RNF8: variants seen among roughly 807,000 people sequenced by gnomAD.
The protein encoded by RNF8 is E3 ubiquitin-protein ligase RNF8.
RNF8 carries 8 observed loss-of-function variants against 59.3 expected under a neutral mutation model. The ratio of observed to expected loss-of-function variants is 0.13; its 90% CI spans 0.08 to 0.24. The LOEUF (loss-of-function observed/expected upper bound fraction) is 0.24, where lower values mean the gene tolerates loss of function less well. RNF8 is among the 10% of genes least tolerant of loss of function. RNF8 has a pLI of 1.00. For synonymous variants in RNF8, 162 were observed against 200.0 expected (o/e 0.81, Z 1.60); for missense variants, 406 against 572.6 (o/e 0.71, Z 2.97).
chr6:37,377,061 C>CTTTTTTTTT (rs35985063), intron 6 of RNF8, 28 bp downstream of exon 6: 20 of 257,998 alleles, frequency 7.8e-5, no homozygotes, highest in African/African-American at 3.9e-4. Context: ...CTCACCCCTT[C>CTTTTTTTTT]TTTTTTTTTT....
At chr6:37,354,594 T>C (rs993460985) in intron 1 of RNF8, among the ~76,000 whole-genome samples, 2 of 151,844 alleles carry the variant, frequency 1.3e-5, no homozygotes, top group Non-Finnish European at 2.9e-5. Context: ...ACGGAGGCCC[T>C]GACCCGCGGC....
chr6:37,384,069 T>C (rs2113833288), intron 7 of RNF8, among the ~76,000 whole-genome samples: 1 of 151,932 alleles, frequency 6.6e-6, no homozygotes, highest in South Asian at 2.1e-4. Context: ...CTTGGTCCTT[T>C]AGAACAGTGA....
Position 37,394,161 on chromosome 6 carries a change from C to A in RNF8, c.*3403C>A, listed in dbSNP as rs1770799410. On this transcript the variant is annotated 3_prime_UTR_variant, in exon 8 of 8. Transcript: ENST00000373479. ...ATCAGGAGAATCCTGGAATTGTTAT[C>A]TGTCTCTTGCTCTGAGATACAGACT... is the stretch of plus-strand genomic sequence containing the variant. The A allele has an allele frequency of 1.3e-5, 2 of 152,208 alleles. No homozygotes were observed. Among genetic ancestry groups the A allele is most frequent in the African/African-American group, 4.8e-5 (2 of 41,460 alleles). The allele number at this position is 152,208 out of a possible 1,614,324, so 9.4% of individuals were successfully genotyped here. A position where few individuals can be genotyped will look rare whatever the true frequency, so the allele number is the denominator to read the frequency against.
At chr6:37,376,793 T>C in intron 5 of RNF8, 133 bp from the exon 6 acceptor site, 2 of 641,668 alleles carry the variant, frequency 3.1e-6, no homozygotes, top group South Asian at 1.8e-5. Context: ...AGTGTTCTAT[T>C]CTTAATGTTG....
At position 37,371,543 on chromosome 6, in the gene RNF8, T is replaced by C; in HGVS notation, c.1007T>C (p.Leu336Pro). 6.2e-7 allele frequency: 1 copy of C among 1,614,070 alleles called. No individual in the cohort carries two copies. The highest frequency in any genetic ancestry group is 8.5e-7 in the Non-Finnish European group (1 of 1,179,964). Residue 336 changes from leucine to proline, a missense_variant, in exon 4 of 8, where the codon CTG becomes CCG. Leu to Pro is a moderately conservative substitution (Grantham distance 98). This residue lies in a region of RNF8 where 285 missense variants were observed against 342.0 expected (regional missense o/e 0.83). Transcript: ENST00000373479. ...GLEIAQGEKD[L>P]KQQLAQALQE... The stretch of plus-strand genomic sequence containing the variant: ...GAGATAGCCCAAGGAGAAAAGGACC[T>C]GAAGCAACAGCTGGCCCAGGCTCTG...
chr6:37,368,398 A>G (rs1769651397), intron 2 of RNF8, 86 bp from the exon 3 acceptor site: 2 of 1,612,304 alleles, frequency 1.2e-6, no homozygotes, highest in South Asian at 2.2e-5. Flanking sequence ...CTGAAAAGGC[A>G]GAAGATTTTA....
intron 3 of RNF8, chr6:37,370,371 GT>G (rs1425588927): frequency 6.6e-6 from 1 of 152,136 alleles, no homozygotes; most frequent in African/African-American, 2.4e-5. Context: ...ATGTCTACGT[GT>G]TTAGTATATC....
At chr6:37,378,560 C>T (rs1770115537) in intron 6 of RNF8, among the ~76,000 whole-genome samples, 1 of 141,380 alleles carries the variant, frequency 7.1e-6, no homozygotes, top group Non-Finnish European at 1.5e-5. Context: ...GATATCGCAC[C>T]ACTGCACTCC....
rs1425038989 is a variant in RNF8, at chr6:37,391,647, T to TTTTTAA, written c.*906_*911dup. 2 of 152,228 alleles carry TTTTTAA rather than the reference T, an allele frequency of 1.3e-5. No individual in the cohort carries two copies. The highest frequency in any genetic ancestry group is 2.9e-5 in the Non-Finnish European group (2 of 68,050). The allele number at this position is 152,228 out of a possible 1,614,324, so 9.4% of individuals were successfully genotyped here. A position where few individuals can be genotyped will look rare whatever the true frequency, so the allele number is the denominator to read the frequency against. ...CTCTCTTTTCTCCACCTCTCCTTTATTTTTAATTTTAATTTTAATTTTTGA... is the reference window on the plus strand; with the variant it reads ...CTCTCTTTTCTCCACCTCTCCTTTATTTTTAATTTTAATTTTAATTTTAATTTTTGA... On this transcript the variant is annotated 3_prime_UTR_variant, in exon 8 of 8. Transcript: ENST00000373479.
At chr6:37,358,902 G>C (rs1769213727) in intron 1 of RNF8, among the ~76,000 whole-genome samples, 1 of 152,028 alleles carries the variant, frequency 6.6e-6, no homozygotes. Context: ...TTCGAGACCA[G>C]CCTGACCAAC....
chr6:37,371,039 AGAG>A (rs1472153967), intron 3 of RNF8, among the ~76,000 whole-genome samples: 1 of 152,054 alleles, frequency 6.6e-6, no homozygotes, highest in Non-Finnish European at 1.5e-5. Context: ...AGGCAAGGAG[AGAG>A]GAGGAGCAGA....
At chr6:37,375,021 A>G (rs574883884) in intron 5 of RNF8, among the ~76,000 whole-genome samples, 1 of 152,254 alleles carries the variant, frequency 6.6e-6, no homozygotes, top group Non-Finnish European at 1.5e-5. Context: ...TAGTCAAGAA[A>G]TAGTTCCTCC....
chr6:37,368,623 A>G lies in RNF8; in HGVS notation c.380A>G (p.Glu127Gly), dbSNP rs750751943. Reference protein sequence around the residue: ...NAEYEYEVTEEDWETIYPCLS... With the variant: ...NAEYEYEVTEGDWETIYPCLS... ...GAGTATGAATATGAAGTTACTGAAG[A>G]AGACTGGGAGACAATATATCCTTGT... The change falls in exon 3 of 8, where the codon GAA becomes GGA. Residue 127 changes from glutamate to glycine, a missense_variant. Around this residue, in one of 3 missense-constraint regions of RNF8, gnomAD observed 285 missense variants for 342.0 expected, o/e 0.83. Coordinates refer to ENST00000373479, the MANE Select transcript of RNF8 (RefSeq NM_003958.4). 2 of 1,614,218 alleles carry G rather than the reference A, an allele frequency of 1.2e-6. No homozygotes were observed. The highest frequency in any genetic ancestry group is 1.1e-5 in the South Asian group (1 of 91,082).
At position 37,368,654 on chromosome 6, in the gene RNF8, C is replaced by A; in HGVS notation, c.411C>A (p.Ser137=). ...GGGAGACAATATATCCTTGTCTTTC[C>A]CCAAAGAATGACCAAATGATAGAAA... ...EDWETIYPCL[S]PKNDQMIEKN... is the part of the protein sequence containing the mutation. The change falls in exon 3 of 8, where the codon TCC becomes TCA. Residue 137 remains serine, a synonymous_variant. Coordinates refer to ENST00000373479, the MANE Select transcript of RNF8 (RefSeq NM_003958.4). 6.2e-7 allele frequency: 1 copy of A among 1,613,678 alleles called. No homozygotes were observed. The highest frequency in any genetic ancestry group is 1.1e-5 in the South Asian group (1 of 91,048).
intron 7 of RNF8, among the ~76,000 whole-genome samples, chr6:37,382,038 C>G (rs1006288675): frequency 1.3e-5 from 2 of 152,218 alleles, no homozygotes; most frequent in African/African-American, 4.8e-5. Flanking sequence ...CCAAGAGCTA[C>G]TTGATCTGAC....
Position 37,394,237 on chromosome 6 carries a change from T to A in RNF8, c.*3479T>A, listed in dbSNP as rs1770801347. On this transcript the variant is annotated 3_prime_UTR_variant, in exon 8 of 8. Coordinates refer to ENST00000373479, the MANE Select transcript of RNF8 (RefSeq NM_003958.4). ...GAACAGGATCTGCCATTGGTCACAA[T>A]AGGTCAAGGGCTTGTTCTGAACCCT... The A allele has an allele frequency of 6.6e-6, 1 of 152,158 alleles. No homozygotes were observed. The highest frequency in any genetic ancestry group is 1.5e-5 in the Non-Finnish European group (1 of 68,028). 9.4% of individuals were successfully genotyped at this position (152,158 alleles called of 1,614,324 possible). A position where few individuals can be genotyped will look rare whatever the true frequency, so the allele number is the denominator to read the frequency against.
At chr6:37,382,037 A>G (rs1770288567) in intron 7 of RNF8, among the ~76,000 whole-genome samples, 1 of 152,202 alleles carries the variant, frequency 6.6e-6, no homozygotes, top group Non-Finnish European at 1.5e-5. Flanking sequence ...TCCAAGAGCT[A>G]CTTGATCTGA....
chr6:37,376,872 A>G, intron 5 of RNF8, 54 bp from the exon 6 acceptor site: 3 of 1,159,128 alleles, frequency 2.6e-6, no homozygotes, highest in Non-Finnish European at 2.6e-6. Flanking sequence ...TCCCTGTCCC[A>G]TTTTGCATTT....
rs754006642 is a variant in RNF8 at position 37,354,194 on chromosome 6, A to T, written c.30A>T (p.Gly10=). 24 of 1,584,422 alleles carry T rather than the reference A, an allele frequency of 1.5e-5. No individual in the cohort carries two copies. Among genetic ancestry groups the T allele is most frequent in the Non-Finnish European group, 2.1e-5 (24 of 1,166,348 alleles). ...GGGAGCCCGGCTTCTTCGTCACAGG[A>T]GACCGCGCCGGTGGCCGGAGCTGGT... is the stretch of plus-strand genomic sequence containing the variant. MGEPGFFVT[G]DRAGGRSWCL... The change falls in exon 1 of 8, where the codon GGA becomes GGT. Residue 10 remains glycine, a synonymous_variant. Transcript: ENST00000373479.
Sources: gnomAD v4.1 joint callset for allele counts (sites outside exome capture counted in the v4.1 genomes callset) on GRCh38, gnomAD v4.1.1 for gene constraint, gnomAD v4.1.1 regional missense constraint, MANE v1.5 for transcripts, NCBI Gene and HGNC (gene_info 2026-07-23, HGNC 2026-07-21) for gene names.